The following PJA2 variants were observed in gnomAD, a reference collection of about 807,000 sequenced individuals.
The protein encoded by PJA2 is praja ring finger ubiquitin ligase 2, also known as E3 ubiquitin-protein ligase Praja-2.
Under a neutral mutation model 69.3 loss-of-function variants are expected in PJA2, and 25 were observed. The observed-to-expected ratio is 0.36, with a 90% CI of 0.26 to 0.50. The LOEUF is 0.50. Among genes scored for constraint, PJA2 ranks in the 20% least tolerant of loss-of-function variants. PJA2 has a pLI of 0.96. For missense variants in PJA2, 809 were observed against 830.2 expected (o/e 0.97, Z 0.31); for synonymous variants, 308 against 277.8 (o/e 1.11, Z -1.08).
intron 1 of PJA2, among the ~76,000 whole-genome samples, chr5:109,387,984 T>C (rs1000821413): frequency 1.3e-5 from 2 of 152,210 alleles, no homozygotes; most frequent in Admixed American, 6.5e-5. Flanking sequence ...GGCTAAGTAT[T>C]TGGGCACACA....
In PJA2 at chr5:109,378,716, C is replaced by G. The variant is rs1018589837; in HGVS notation, c.771G>C (p.Gln257His). Residue 257 changes from glutamine to histidine, a missense_variant, in exon 4 of 10, where the codon CAG becomes CAC. By Grantham distance (24) the Gln-to-His change is conservative. Around this residue, in one of 4 missense-constraint regions of PJA2, gnomAD observed 700 missense variants for 639.5 expected, o/e 1.09. Transcript: ENST00000361189. ...EFVHQNSQEIQRSSQDEMVST... is the reference protein window; with the variant it reads ...EFVHQNSQEIHRSSQDEMVST... ...TAACCATTTCATCTTGAGAAGACCT[C>G]TGAATTTCCTGGCTATTCTGATGGA... is the stretch of plus-strand genomic sequence containing the variant. 3.1e-6 allele frequency: 5 copies of G among 1,613,112 alleles called. No homozygotes were observed. The African/African-American group carries it at 6.7e-5, about 22-fold the overall frequency.
chr5:109,362,990 G>A lies in PJA2; in HGVS notation c.1502C>T (p.Pro501Leu). Reference protein sequence around the residue: ...EQTSLEEGEIPWLQYNEVNES... With the variant: ...EQTSLEEGEILWLQYNEVNES... ...ATTGACTTCATTGTACTGTAACCAA[G>A]GAATTTCTCCCTCTTCCAAGGATGT... is the stretch of plus-strand genomic sequence containing the variant. Residue 501 changes from proline (P) to leucine (L), a missense_variant, in exon 6 of 10, where the codon CCT (proline) becomes CTT (leucine). Around this residue, in one of 4 missense-constraint regions of PJA2, gnomAD observed 700 missense variants for 639.5 expected, o/e 1.09. Coordinates refer to ENST00000361189, the MANE Select transcript of PJA2 (RefSeq NM_014819.5). 2 of 1,603,442 alleles carry A rather than the reference G, an allele frequency of 1.2e-6. No homozygotes were observed. The highest frequency in any genetic ancestry group is 1.7e-6 in the Non-Finnish European group (2 of 1,172,162).
chr5:109,391,362 A>G (rs1747276863), intron 1 of PJA2, among the ~76,000 whole-genome samples: 1 of 152,158 alleles, frequency 6.6e-6, no homozygotes, highest in Admixed American at 6.5e-5. Flanking sequence ...TTTAGCCTAA[A>G]TAACATATTT....
chr5:109,384,482 C>T (rs1360149086), intron 1 of PJA2, among the ~76,000 whole-genome samples: 1 of 152,132 alleles, frequency 6.6e-6, no homozygotes, highest in African/African-American at 2.4e-5. Flanking sequence ...GAAGTTGCAA[C>T]CTGTGGTTTT....
intron 6 of PJA2, among the ~76,000 whole-genome samples, chr5:109,361,097 C>CA (rs1762497022): frequency 2.0e-5 from 3 of 152,184 alleles, no homozygotes; most frequent in African/African-American, 7.2e-5. Context: ...CACTGCACTC[C>CA]AGCCTGGGCA....
intron 1 of PJA2, among the ~76,000 whole-genome samples, chr5:109,407,737 T>C (rs890704527): frequency 2.6e-5 from 4 of 152,094 alleles, no homozygotes; most frequent in African/African-American, 9.7e-5. Flanking sequence ...TTACTGAAAG[T>C]TTCCATCCAC....
At chr5:109,372,681 G>A (rs536229341) in intron 4 of PJA2, among the ~76,000 whole-genome samples, 1 of 151,990 alleles carries the variant, frequency 6.6e-6, no homozygotes, top group Non-Finnish European at 1.5e-5. Flanking sequence ...TGAGGCAGGT[G>A]AATCACCTGA....
chr5:109,372,027 G>C (rs886545195), intron 4 of PJA2, among the ~76,000 whole-genome samples: 1 of 152,130 alleles, frequency 6.6e-6, no homozygotes, highest in African/African-American at 2.4e-5. Flanking sequence ...AACTGTTAGC[G>C]AGTCTTTTTT....
At chr5:109,340,772 T>C (rs1336726130) in intron 9 of PJA2, among the ~76,000 whole-genome samples, 76 of 101,938 alleles carry the variant, frequency 7.5e-4, no homozygotes, top group African/African-American at 2.5e-3. Context: ...TGCCTCAGCC[T>C]GCCCAGTGCC....
chr5:109,391,635 T>C (rs986016301), intron 1 of PJA2, among the ~76,000 whole-genome samples: 7 of 151,018 alleles, frequency 4.6e-5, no homozygotes, highest in Non-Finnish European at 1.5e-5. Flanking sequence ...GAATTAAAAA[T>C]GAGAGAAAAT....
chr5:109,371,662 C>A (rs1161509728), intron 4 of PJA2, among the ~76,000 whole-genome samples: 1 of 152,212 alleles, frequency 6.6e-6, no homozygotes, highest in Non-Finnish European at 1.5e-5. Context: ...ATTTACATAT[C>A]AAACAGTATG....
At chr5:109,374,779 G>C (rs1475579961) in intron 4 of PJA2, among the ~76,000 whole-genome samples, 1 of 152,170 alleles carries the variant, frequency 6.6e-6, no homozygotes, top group East Asian at 1.9e-4. Flanking sequence ...TATAAGTAAG[G>C]AACAGACAGT....
intron 5 of PJA2, among the ~76,000 whole-genome samples, chr5:109,363,746 G>A (rs570908852): frequency 6.6e-6 from 1 of 152,120 alleles, no homozygotes; most frequent in South Asian, 2.1e-4. Flanking sequence ...TTTACTGTCA[G>A]TCTACTCCTA....
chr5:109,368,958 T>C (rs1359395309), intron 4 of PJA2, among the ~76,000 whole-genome samples: 1 of 152,016 alleles, frequency 6.6e-6, no homozygotes, highest in Non-Finnish European at 1.5e-5. Context: ...CTTGGTACTG[T>C]TCTTGTGATA....
chr5:109,346,892 AG>A (rs1183938988), intron 7 of PJA2, among the ~76,000 whole-genome samples: 1 of 152,230 alleles, frequency 6.6e-6, no homozygotes, highest in Non-Finnish European at 1.5e-5. Flanking sequence ...TGAACAAGCC[AG>A]GTTTCCCATA....
In PJA2 at chr5:109,378,838, G is replaced by A. The variant is rs750107342; in HGVS notation, c.649C>T (p.Pro217Ser). The A allele has an allele frequency of 1.2e-6, 2 of 1,613,792 alleles. No individual in the cohort carries two copies. The highest frequency in any genetic ancestry group is 2.2e-5 in the South Asian group (2 of 91,078). Residue 217 changes from proline to serine, a missense_variant, in exon 4 of 10, where the codon CCA (proline) becomes TCA (serine). Physicochemically the swap from Pro to Ser is moderately conservative, Grantham distance 74. Transcript: ENST00000361189. Reference sequence around the variant, plus strand: ...TCACAGTTAAATGAGGGAACTGGTGGTGAAAGACCAGTGTATGCCTCTGCC... The same window carrying A: ...TCACAGTTAAATGAGGGAACTGGTGATGAAAGACCAGTGTATGCCTCTGCC... ...REAEAYTGLS[P>S]PVPSFNCEVR...
chr5:109,378,738 T>A lies in PJA2; in HGVS notation c.749A>T (p.His250Leu). ...CCTCTGAATTTCCTGGCTATTCTGA[T>A]GGACAAACTCAGTATCACCAGCAGA... is the stretch of plus-strand genomic sequence containing the variant. ...KSSAGDTEFV[H>L]QNSQEIQRSS... Residue 250 changes from histidine (H) to leucine (L), a missense_variant, in exon 4 of 10, where the codon CAT becomes CTT. This residue lies in a region of PJA2 where 700 missense variants were observed against 639.5 expected (regional missense o/e 1.09). Transcript: ENST00000361189. 1 of 1,612,730 alleles carries A rather than the reference T, an allele frequency of 6.2e-7. No homozygotes were observed. The highest frequency in any genetic ancestry group is 1.7e-5 in the Admixed American group (1 of 60,030).
At chr5:109,393,858 C>A (rs945839853) in intron 1 of PJA2, among the ~76,000 whole-genome samples, 1 of 151,756 alleles carries the variant, frequency 6.6e-6, no homozygotes, top group Admixed American at 6.6e-5. Context: ...CAGCCAAATA[C>A]AAAAAAATTC....
chr5:109,360,386 A>G (rs1258151448), intron 6 of PJA2, among the ~76,000 whole-genome samples: 1 of 152,238 alleles, frequency 6.6e-6, no homozygotes, highest in East Asian at 1.9e-4. Flanking sequence ...CAAACTTGAT[A>G]GAGGACTTTT....
Sources: allele counts gnomAD v4.1 joint callset (sites outside exome capture counted in the v4.1 genomes callset), GRCh38; gene constraint gnomAD v4.1.1; regional missense constraint gnomAD v4.1.1; transcripts MANE v1.5; gene names NCBI Gene and HGNC (gene_info 2026-07-23, HGNC 2026-07-21).